The following NUDT22 variants were observed in gnomAD, a reference collection of about 807,000 sequenced individuals.
NUDT22 encodes the protein nudix hydrolase 22, also known as uridine diphosphate glucose pyrophosphatase NUDT22.
A neutral mutation model predicts 28.8 loss-of-function variants in NUDT22; 23 were observed. The observed-to-expected ratio is 0.80, with a 90% CI of 0.58 to 1.13. The LOEUF (loss-of-function observed/expected upper bound fraction) is 1.13. Ranked by LOEUF, NUDT22 falls within the 50% of genes most tolerant of loss-of-function variation. The pLI is 0.00. For synonymous variants in NUDT22, 175 were observed against 173.7 expected (o/e 1.01, Z -0.06); for missense variants, 358 against 387.3 (o/e 0.92, Z 0.64).
rs142199808 is a variant in NUDT22, at chr11:64,226,823, C to T, written c.171C>T (p.Asp57=). ...TAAAGGCCCAACCCTGGCTCTTCGA[C>T]GCCCCCAAGTTCCGCCTGCACTCAG... The part of the protein sequence containing the change: ...TRLKAQPWLF[D]APKFRLHSAT... Residue 57 remains aspartate (D), a synonymous_variant, in exon 2 of 6, where the codon GAC becomes GAT. Transcript: ENST00000279206. 1.4e-5 allele frequency: 22 copies of T among 1,609,574 alleles called. No homozygotes were observed. The highest frequency in any genetic ancestry group is 4.0e-5 in the African/African-American group (3 of 74,930).
At position 64,227,591 on chromosome 11, in the gene NUDT22, C is replaced by A; in HGVS notation, c.504C>A (p.Pro168=). 6.2e-7 allele frequency: 1 copy of A among 1,613,958 alleles called. No homozygotes were observed. The highest frequency in any genetic ancestry group is 1.6e-4 in the Middle Eastern group (1 of 6,062). The change falls in exon 3 of 6, where the codon CCC becomes CCA. Residue 168 remains proline (P), a synonymous_variant. Transcript: ENST00000279206. ...AGGCCCTGTGCCCTGGTGGCAGCCC[C>A]CAGCACCAGGACCTCGCTGGGCAGC... ...EPQALCPGGS[P]QHQDLAGQLV... is the part of the protein sequence containing the mutation.
At chr11:64,227,214 G>A (rs555304260) in intron 2 of NUDT22, 82 bp downstream of exon 2, 44 of 1,505,902 alleles carry the variant, frequency 2.9e-5, no homozygotes, top group Admixed American at 9.8e-5. Context: ...CCCAGCTTTG[G>A]TTTCCTCATT....
downstream of NUDT22, chr11:64,230,090 T>A: frequency 9.5e-7 from 1 of 1,051,804 alleles, no homozygotes; most frequent in Non-Finnish European, 1.3e-6. Context: ...GACAAGTGAC[T>A]TGGGAAAAAA....
Position 64,230,002 on chromosome 11 carries a change from G to A in NUDT22, c.*12G>A. On this transcript the variant is annotated 3_prime_UTR_variant, in exon 6 of 6. Transcript: ENST00000279206. ...TCCCGCCGCTCTGAAAATAATAAACGACTTTATTCTTGGATTCCGTTGGCA... is the reference window on the plus strand; with the variant it reads ...TCCCGCCGCTCTGAAAATAATAAACAACTTTATTCTTGGATTCCGTTGGCA... 6.2e-7 allele frequency: 1 copy of A among 1,609,746 alleles called. No homozygotes were observed. Among genetic ancestry groups the A allele is most frequent in the Admixed American group, 1.7e-5 (1 of 59,590 alleles).
At position 64,226,301 on chromosome 11, in the gene NUDT22, A is replaced by G. The variant is rs1591064230; in HGVS notation, c.-145A>G. ...AGCCTGAGGGACCCGGCGGCTGGTG[A>G]GCGCCCGCTGGAGGCTGGAGCTTCC... On this transcript the variant is annotated 5_prime_UTR_variant, in exon 1 of 6. Transcript: ENST00000279206. 1 of 968,848 alleles carries G rather than the reference A, an allele frequency of 1.0e-6. No homozygotes were observed. Among genetic ancestry groups the G allele is most frequent in the East Asian group, 4.2e-5 (1 of 23,566 alleles). 60.0% of individuals were successfully genotyped at this position (968,848 alleles called of 1,614,324 possible).
rs558101146 is a variant in NUDT22 at position 64,227,088 on chromosome 11, G to T, written c.436G>T (p.Ala146Ser). The T allele has an allele frequency of 4.1e-5, 65 of 1,598,096 alleles. No homozygotes were observed. In the East Asian group the frequency reaches 1.1e-3, roughly 27 times the overall value. ...GCGCCGCTCCCGGCAGGTGGCTGAGGCCCCTGGGCTGGTGGACGTACCTGG... is the reference window on the plus strand; with the variant it reads ...GCGCCGCTCCCGGCAGGTGGCTGAGTCCCCTGGGCTGGTGGACGTACCTGG... ...FLRRSRQVAE[A>S]PGLVDVPGGH... Residue 146 changes from alanine (A) to serine (S), a missense_variant, in exon 2 of 6, where the codon GCC (alanine) becomes TCC (serine). Physicochemically the swap from Ala to Ser is moderately conservative, Grantham distance 99 (BLOSUM62 1). Coordinates refer to ENST00000279206, the MANE Select transcript of NUDT22 (RefSeq NM_032344.4).
chr11:64,230,044 CAGAG>C, downstream of NUDT22: 1 of 1,570,164 alleles, frequency 6.4e-7, no homozygotes, highest in Non-Finnish European at 8.7e-7. Flanking sequence ...ATTTCTGTAA[CAGAG>C]AGGAGCAATG....
intron 3 of NUDT22, chr11:64,229,023 G>T: frequency 1.9e-6 from 1 of 515,262 alleles, no homozygotes; most frequent in South Asian, 2.9e-5. Context: ...TCACTAAATT[G>T]ACTTCTCTTG....
chr11:64,230,156 G>A, downstream of NUDT22: 1 of 826,224 alleles, frequency 1.2e-6, no homozygotes. Context: ...GATAAGAACT[G>A]TGCCTCCCTT....
At chr11:64,230,096 A>G (rs765545494), downstream of NUDT22, 636 of 550,772 alleles carry the variant, frequency 1.2e-3, 2 homozygotes, top group South Asian at 7.0e-3. Context: ...TGACTTGGGA[A>G]AAAAAAAAAA....
At chr11:64,230,121 C>A, downstream of NUDT22, 1 of 1,006,026 alleles carries the variant, frequency 9.9e-7, no homozygotes, top group African/African-American at 1.6e-5. Context: ...ACCCGCCCAG[C>A]CTGTGTCCCC....
intron 5 of NUDT22, 46 bp from the exon 6 acceptor site, chr11:64,229,804 G>A: frequency 6.2e-7 from 1 of 1,611,350 alleles, no homozygotes; most frequent in East Asian, 2.2e-5. Context: ...GCCCTGGCAG[G>A]AGAAGTGGCA....
At position 64,227,005 on chromosome 11, in the gene NUDT22, C is replaced by T. The variant is rs757190729; in HGVS notation, c.353C>T (p.Ala118Val). ...TGGGGTGACACGCAGGCCTATCTGG[C>T]GGACCCACTGGGGGTGGGCGCTGCA... is the stretch of plus-strand genomic sequence containing the variant. Reference protein sequence around the residue: ...TDWGDTQAYLADPLGVGAALA... With the variant: ...TDWGDTQAYLVDPLGVGAALA... Residue 118 changes from alanine to valine, a missense_variant, in exon 2 of 6, where the codon GCG (alanine) becomes GTG (valine). Physicochemically the swap from Ala to Val is moderately conservative, Grantham distance 64 (BLOSUM62 0). Transcript: ENST00000279206. The T allele has an allele frequency of 6.2e-7, 1 of 1,602,996 alleles. No homozygotes were observed. Among genetic ancestry groups the T allele is most frequent in the South Asian group, 1.1e-5 (1 of 91,062 alleles).
At position 64,226,648 on chromosome 11, in the gene NUDT22, A is replaced by G. The variant is rs1414150963; in HGVS notation, c.-5A>G. ...ATCCTCCCCCAGAGCTGCCCCGTTC[A>G]GACCATGGATCCTGAGGTGACCTTG... On this transcript the variant is annotated 5_prime_UTR_variant, in exon 2 of 6. Transcript: ENST00000279206. The G allele has an allele frequency of 1.3e-6, 2 of 1,578,600 alleles. No individual in the cohort carries two copies.
chr11:64,229,178 G>A, intron 3 of NUDT22, 69 bp from the exon 4 acceptor site: 1 of 1,114,602 alleles, frequency 9.0e-7, no homozygotes. Flanking sequence ...GTTTTTCATT[G>A]AGACGGGCAG....
At chr11:64,229,431 C>T in intron 4 of NUDT22, 47 bp from the exon 5 acceptor site, 1 of 1,607,834 alleles carries the variant, frequency 6.2e-7, no homozygotes, top group Non-Finnish European at 8.5e-7. Flanking sequence ...CACAGGTACC[C>T]CGCAGGGGCT....
At position 64,226,693 on chromosome 11, in the gene NUDT22, G is replaced by C. The variant is rs375211960; in HGVS notation, c.41G>C (p.Gly14Ala). The C allele has an allele frequency of 8.7e-6, 14 of 1,608,684 alleles. No homozygotes were observed. Among genetic ancestry groups the C allele is most frequent in the Non-Finnish European group, 1.2e-5 (14 of 1,178,504 alleles). ...EVTLLLQCPG[G>A]GLPQEQIQAE... Reference sequence around the variant, plus strand: ...ACCTTGCTGCTGCAGTGCCCTGGCGGGGGCCTGCCCCAGGAGCAGATACAG... The same window carrying C: ...ACCTTGCTGCTGCAGTGCCCTGGCGCGGGCCTGCCCCAGGAGCAGATACAG... The change falls in exon 2 of 6, where the codon GGG becomes GCG. Residue 14 changes from glycine to alanine, a missense_variant. Coordinates refer to ENST00000279206, the MANE Select transcript of NUDT22 (RefSeq NM_032344.4).
At position 64,229,554 on chromosome 11, in the gene NUDT22, T is replaced by G. The variant is rs746071487; in HGVS notation, c.754T>G (p.Phe252Val). ...CGAGGCCCACGAGTCTACAGGAATC[T>G]TCTTTGTGGAGACACAGGTGCAGAG... ...GPEAHESTGI[F>V]FVETQNVQRL... Residue 252 changes from phenylalanine (F) to valine (V), a missense_variant, in exon 5 of 6, where the codon TTC becomes GTC. Coordinates refer to ENST00000279206, the MANE Select transcript of NUDT22 (RefSeq NM_032344.4). 7.4e-6 allele frequency: 12 copies of G among 1,614,006 alleles called. No homozygotes were observed. The highest frequency in any genetic ancestry group is 3.3e-5 in the Admixed American group (2 of 60,016).
intron 2 of NUDT22, 86 bp from the exon 3 acceptor site, chr11:64,227,482 C>G (rs974716828): frequency 1.9e-6 from 2 of 1,034,320 alleles, no homozygotes; most frequent in East Asian, 2.4e-5. Context: ...ATCAGACCCT[C>G]AAGGCCAGCA....
Sources: allele counts gnomAD v4.1 joint callset, GRCh38; gene constraint gnomAD v4.1.1; transcripts MANE v1.5; gene names NCBI Gene and HGNC (gene_info 2026-07-23, HGNC 2026-07-21).